SNX4: variants seen among roughly 807,000 people sequenced by gnomAD.
SNX4 encodes the protein sorting nexin-4.
SNX4 carries 49 observed loss-of-function variants against 70.8 expected under a neutral mutation model. That is an observed-to-expected ratio of 0.69 (90% CI 0.55 to 0.88). The LOEUF is 0.88. SNX4 is among the 40% of genes least tolerant of loss of function. The pLI is 0.00. For missense variants in SNX4, 528 were observed against 544.8 expected (o/e 0.97, Z 0.31); for synonymous variants, 206 against 183.8 (o/e 1.12, Z -0.98).
At chr3:125,499,058 A>G (rs968557470) in intron 2 of SNX4, among the ~76,000 whole-genome samples, 1 of 152,178 alleles carries the variant, frequency 6.6e-6, no homozygotes, top group South Asian at 2.1e-4. Flanking sequence ...AGGGGTCATA[A>G]AAATTCATCT....
Position 125,492,607 on chromosome 3 carries a change from C to T in SNX4, c.598-3144G>A, listed in dbSNP as rs374933605. Among the ~76,000 whole-genome samples the T allele has an allele frequency of 1.7e-4, 26 of 152,216 alleles. 1 individual carries two copies. In the South Asian group the frequency reaches 2.7e-3, roughly 16 times the overall value. On this transcript the variant is annotated intron_variant, in intron 5 of 13. Transcript: ENST00000251775. Reference sequence around the variant, plus strand: ...CTGCTGTCATATTCCCCAACAAGGACGATGCTTTATGTCCTTTATACTACT... The same window carrying T: ...CTGCTGTCATATTCCCCAACAAGGATGATGCTTTATGTCCTTTATACTACT...
intron 6 of SNX4, among the ~76,000 whole-genome samples, chr3:125,486,251 A>T (rs952519635): frequency 6.6e-6 from 1 of 152,184 alleles, no homozygotes; most frequent in South Asian, 2.1e-4. Context: ...AAATGATATA[A>T]CCTGATATTT....
Position 125,489,426 on chromosome 3 carries a change from C to T in SNX4, c.635G>A (p.Arg212Lys). 2 of 1,613,400 alleles carry T rather than the reference C, an allele frequency of 1.2e-6. No individual in the cohort carries two copies. The highest frequency in any genetic ancestry group is 1.7e-6 in the Non-Finnish European group (2 of 1,179,584). The change falls in exon 6 of 14, where the codon AGA becomes AAA. Residue 212 changes from arginine to lysine, a missense_variant. By Grantham distance (26) the Arg-to-Lys change is conservative (BLOSUM62 2). Around this residue, in one of 3 missense-constraint regions of SNX4, gnomAD observed 341 missense variants for 312.2 expected, o/e 1.09. Coordinates refer to ENST00000251775, the MANE Select transcript of SNX4 (RefSeq NM_003794.4). ...ACCTTACTTGTCTGGGTTTTTCACTCTGAATGTTGCATTAAGCGCTTTTAA... is the reference window on the plus strand; with the variant it reads ...ACCTTACTTGTCTGGGTTTTTCACTTTGAATGTTGCATTAAGCGCTTTTAA... ...SRLKALNATF[R>K]VKNPDKRFTD...
intron 1 of SNX4, among the ~76,000 whole-genome samples, chr3:125,508,977 C>G (rs1214220681): frequency 6.6e-6 from 1 of 151,982 alleles, no homozygotes; most frequent in African/African-American, 2.4e-5. Flanking sequence ...AAGGCACAGG[C>G]AGTAAAAGAA....
At position 125,457,288 on chromosome 3, in the gene SNX4, T is replaced by A. The variant is rs748067374; in HGVS notation, c.1022A>T (p.Gln341Leu). The change falls in exon 11 of 14, where the codon CAG becomes CTG. Residue 341 changes from glutamine (Q) to leucine (L), a missense_variant. By Grantham distance (113) the Gln-to-Leu change is moderately radical. Transcript: ENST00000251775. ...CACCCCAGTTACCAGTTCCTCACAC[T>A]GCTGCTTCTTGGATGCTAAGTCCTG... ...AAQDLASKKQ[Q>L]CEELVTGTVR... 2 of 1,613,982 alleles carry A rather than the reference T, an allele frequency of 1.2e-6. No homozygotes were observed. The highest frequency in any genetic ancestry group is 1.1e-5 in the South Asian group (1 of 91,076).
intron 9 of SNX4, among the ~76,000 whole-genome samples, chr3:125,466,853 G>A (rs1163067807): frequency 6.6e-6 from 1 of 152,180 alleles, no homozygotes; most frequent in Non-Finnish European, 1.5e-5. Flanking sequence ...GGGAGGCTGA[G>A]GTGGGCGGAT....
Position 125,504,636 on chromosome 3 carries a change from G to A in SNX4, c.250C>T (p.Leu84Phe), listed in dbSNP as rs1192818218. 3.7e-6 allele frequency: 6 copies of A among 1,613,246 alleles called. No individual in the cohort carries two copies. Among genetic ancestry groups the A allele is most frequent in the Non-Finnish European group, 5.1e-6 (6 of 1,179,690 alleles). Reference protein sequence around the residue: ...MNMQETYTAYLIETRSVEHTD... With the variant: ...MNMQETYTAYFIETRSVEHTD... ...TCTGTTACCCACCTTGTTTCAATGA[G>A]GTAAGCAGTATATGTTTCTTGCATG... Residue 84 changes from leucine to phenylalanine, a missense_variant, in exon 2 of 14, where the codon CTC becomes TTC. Transcript: ENST00000251775.
Position 125,476,732 on chromosome 3 carries a change from C to T in SNX4, c.751G>A (p.Val251Ile), listed in dbSNP as rs755660601. 10 of 1,599,114 alleles carry T rather than the reference C, an allele frequency of 6.3e-6. No homozygotes were observed. The South Asian group carries it at 1.0e-4, about 16-fold the overall frequency. The change falls in exon 8 of 14, where the codon GTA becomes ATA. Residue 251 changes from valine to isoleucine, a missense_variant. Val to Ile is a conservative substitution (Grantham distance 29). Transcript: ENST00000251775. The stretch of plus-strand genomic sequence containing the variant: ...CCATAATTCCCATGTACTTTATATA[C>T]ACCATAGAGTCGATCTGCTACTCTC... The part of the protein sequence containing the change: ...RARVADRLYG[V>I]YKVHGNYGRV...
At chr3:125,452,182 C>T (rs1330992294) in intron 12 of SNX4, among the ~76,000 whole-genome samples, 4 of 151,706 alleles carry the variant, frequency 2.6e-5, no homozygotes, top group Non-Finnish European at 5.9e-5. Context: ...CTTGGCTCAC[C>T]ACAACCTCCA....
intron 6 of SNX4, among the ~76,000 whole-genome samples, chr3:125,485,045 G>A (rs1198886932): frequency 2.0e-5 from 3 of 151,620 alleles, no homozygotes; most frequent in Admixed American, 6.6e-5. Flanking sequence ...CCAGCTTGGC[G>A]AGAGTGAGAC....
At chr3:125,518,468 A>G (rs1179553918) in intron 1 of SNX4, among the ~76,000 whole-genome samples, 1 of 152,120 alleles carries the variant, frequency 6.6e-6, no homozygotes, top group Non-Finnish European at 1.5e-5. Flanking sequence ...TCTCAAAGAA[A>G]AAAAAAGCAC....
At chr3:125,449,350 C>T (rs940957994) in intron 13 of SNX4, 9 of 150,092 alleles carry the variant, frequency 6.0e-5, no homozygotes, top group African/African-American at 2.0e-4. Context: ...ACACGGGAGG[C>T]GGAGGTTGTA....
At chr3:125,462,372 T>C (rs1281785475) in intron 9 of SNX4, among the ~76,000 whole-genome samples, 3 of 152,050 alleles carry the variant, frequency 2.0e-5, no homozygotes, top group East Asian at 3.9e-4. Context: ...GATTGTACAC[T>C]AGAACCCAGG....
chr3:125,461,386 T>G (rs1015519303), intron 9 of SNX4, among the ~76,000 whole-genome samples: 2 of 152,230 alleles, frequency 1.3e-5, no homozygotes, highest in Non-Finnish European at 2.9e-5. Flanking sequence ...TTATTGAATT[T>G]TACCAAAATG....
intron 6 of SNX4, among the ~76,000 whole-genome samples, chr3:125,482,886 A>C (rs1464774360): frequency 6.6e-6 from 1 of 152,182 alleles, no homozygotes; most frequent in Non-Finnish European, 1.5e-5. Context: ...CCAATTAAGT[A>C]GAGTACAAAT....
intron 2 of SNX4, among the ~76,000 whole-genome samples, chr3:125,500,949 G>A (rs941179220): frequency 2.0e-5 from 3 of 149,272 alleles, no homozygotes; most frequent in African/African-American, 7.4e-5. Flanking sequence ...ACAGACAGTT[G>A]CTAAATGGGC....
chr3:125,473,156 A>T (rs904812364), intron 8 of SNX4, among the ~76,000 whole-genome samples: 1 of 152,060 alleles, frequency 6.6e-6, no homozygotes, highest in Non-Finnish European at 1.5e-5. Context: ...AGCGCCCAAT[A>T]GTTAGTTTGT....
intron 6 of SNX4, among the ~76,000 whole-genome samples, chr3:125,483,112 T>G (rs1934452560): frequency 6.6e-6 from 1 of 150,634 alleles, no homozygotes. Flanking sequence ...TATTATGTAC[T>G]CCAAAACATT....
At chr3:125,509,631 A>G (rs969429901) in intron 1 of SNX4, among the ~76,000 whole-genome samples, 2 of 151,286 alleles carry the variant, frequency 1.3e-5, no homozygotes, top group African/African-American at 4.9e-5. Flanking sequence ...TGAGTTGCCT[A>G]TATTCCAGCT....
Sources: allele counts gnomAD v4.1 joint callset (sites outside exome capture counted in the v4.1 genomes callset), GRCh38; gene constraint gnomAD v4.1.1; regional missense constraint gnomAD v4.1.1; transcripts MANE v1.5; gene names NCBI Gene and HGNC (gene_info 2026-07-23, HGNC 2026-07-21).